Variants in HYAL4 observed in about 807,000 individuals in gnomAD.
HYAL4 encodes the protein hyaluronidase-4.
Under a neutral mutation model 35.2 loss-of-function variants are expected in HYAL4, and 37 were observed. The ratio of observed to expected loss-of-function variants is 1.05; its 90% confidence interval spans 0.81 to 1.38. HYAL4 has a LOEUF of 1.38. Ranked by LOEUF, HYAL4 falls within the 40% of genes most tolerant of loss-of-function variation. The probability of loss-of-function intolerance (pLI) is 0.00; values close to 1 mark genes in which losing one functional copy is unlikely to be tolerated. For missense variants in HYAL4, 572 were observed against 572.4 expected (o/e 1.00, Z 0.01); for synonymous variants, 198 against 203.2 (o/e 0.97, Z 0.22).
the HYAL4 span, among the ~76,000 whole-genome samples, chr7:123,779,428 C>A: frequency 3.3e-5 from 5 of 151,874 alleles, no homozygotes; most frequent in Non-Finnish European, 7.4e-5. Context: ...TAGGAAAGGC[C>A]TGATATTTTC....
the HYAL4 span, among the ~76,000 whole-genome samples, chr7:123,806,450 C>CT: frequency 1.2e-4 from 17 of 147,536 alleles, no homozygotes; most frequent in Admixed American, 2.7e-4. Context: ...TCTTGCTTTC[C>CT]TTTTTTTTTT....
At chr7:123,788,636 T>C in the HYAL4 span, among the ~76,000 whole-genome samples, 2 of 152,218 alleles carry the variant, frequency 1.3e-5, no homozygotes, top group Non-Finnish European at 2.9e-5. Context: ...ACACTGTTCA[T>C]GGAGGGTACA....
At chr7:123,870,460 A>G (rs1806847832) in intron 3 of HYAL4, among the ~76,000 whole-genome samples, 2 of 152,126 alleles carry the variant, frequency 1.3e-5, no homozygotes, top group Admixed American at 1.3e-4. Context: ...GTACCGTCTG[A>G]AAGGTTTTAA....
At chr7:123,811,386 A>G in the HYAL4 span, among the ~76,000 whole-genome samples, 1 of 152,218 alleles carries the variant, frequency 6.6e-6, no homozygotes, top group African/African-American at 2.4e-5. Context: ...TGGGCCATTC[A>G]TTAATAGGCA....
At chr7:123,864,809 A>C (rs1468012201) in intron 2 of HYAL4, among the ~76,000 whole-genome samples, 1 of 151,698 alleles carries the variant, frequency 6.6e-6, no homozygotes, top group Admixed American at 6.6e-5. Context: ...ATCTCCTCCC[A>C]ACAAGCCATA....
At chr7:123,823,134 A>G in the HYAL4 span, among the ~76,000 whole-genome samples, 12 of 152,032 alleles carry the variant, frequency 7.9e-5, no homozygotes, top group Non-Finnish European at 1.8e-4. Flanking sequence ...TTCTACACCT[A>G]TTGTTTTAAG....
chr7:123,819,496 T>C, the HYAL4 span: 1 of 152,550 alleles, frequency 6.6e-6, no homozygotes, highest in Non-Finnish European at 1.5e-5. Context: ...AACATTTTTT[T>C]TTTCGCATCA....
chr7:123,803,139 A>T, the HYAL4 span, among the ~76,000 whole-genome samples: 1 of 151,968 alleles, frequency 6.6e-6, no homozygotes. Flanking sequence ...GAGGCCACAG[A>T]CTCCATGGGC....
At chr7:123,794,533 T>C in the HYAL4 span, among the ~76,000 whole-genome samples, 1 of 152,208 alleles carries the variant, frequency 6.6e-6, no homozygotes, top group South Asian at 2.1e-4. Flanking sequence ...CATGGTACCC[T>C]GAGTCCCAGC....
At chr7:123,814,538 T>G in the HYAL4 span, 9 of 152,660 alleles carry the variant, frequency 5.9e-5, no homozygotes, top group African/African-American at 2.2e-4. Context: ...TGTTATTGAC[T>G]GGGAAAGTTG....
chr7:123,820,549 C>T, the HYAL4 span, among the ~76,000 whole-genome samples: 1 of 151,336 alleles, frequency 6.6e-6, no homozygotes, highest in Non-Finnish European at 1.5e-5. Flanking sequence ...TGCCATTGTG[C>T]CCCAGCTTGG....
the HYAL4 span, among the ~76,000 whole-genome samples, chr7:123,811,964 C>T: frequency 6.6e-6 from 1 of 152,004 alleles, no homozygotes; most frequent in East Asian, 1.9e-4. Flanking sequence ...GCCTCAGCCT[C>T]CTGAGTAGCT....
At position 123,877,295 on chromosome 7, in the gene HYAL4, C is replaced by T; in HGVS notation, c.*140C>T. 1 of 843,852 alleles carries T rather than the reference C, an allele frequency of 1.2e-6. No homozygotes were observed. Among genetic ancestry groups the T allele is most frequent in the Non-Finnish European group, 1.8e-6 (1 of 562,062 alleles). 52.3% of individuals were successfully genotyped at this position (843,852 alleles called of 1,614,324 possible). ...CATTATGTATGTCACTTAACATAAA[C>T]AGAAACATTATTTTATTTGCCTCCA... On this transcript the variant is annotated 3_prime_UTR_variant, in exon 5 of 5. Transcript: ENST00000223026.
chr7:123,806,752 C>T, the HYAL4 span, among the ~76,000 whole-genome samples: 7 of 151,974 alleles, frequency 4.6e-5, no homozygotes, highest in Non-Finnish European at 1.0e-4. Flanking sequence ...ACGCCCGGCC[C>T]TTGCTTTCCA....
At chr7:123,876,088 TGCACACAGGTGGCCTCTGTTTAG>T in intron 4 of HYAL4, 1 of 456,366 alleles carries the variant, frequency 2.2e-6, no homozygotes, top group South Asian at 1.6e-5. Flanking sequence ...GGAAGGTGGG[TGCACACAGGTGGCCTCTGTTTAG>T]AACACGTAAT....
At chr7:123,801,571 T>C in the HYAL4 span, among the ~76,000 whole-genome samples, 1 of 152,192 alleles carries the variant, frequency 6.6e-6, no homozygotes, top group Non-Finnish European at 1.5e-5. Flanking sequence ...CCTATTCTTA[T>C]TTCTAAGCAG....
At chr7:123,838,221 A>G (rs953235534) in intron 1 of HYAL4, among the ~76,000 whole-genome samples, 1 of 149,410 alleles carries the variant, frequency 6.7e-6, no homozygotes, top group Non-Finnish European at 1.5e-5. Flanking sequence ...TACCTCTACC[A>G]TAGAATTCTT....
At chr7:123,800,252 C>T in the HYAL4 span, among the ~76,000 whole-genome samples, 1 of 151,004 alleles carries the variant, frequency 6.6e-6, no homozygotes, top group Non-Finnish European at 1.5e-5. Context: ...TCACTGCAAG[C>T]TCCACCTCCC....
At chr7:123,835,249 ATCTC>A (rs578181514) in intron 1 of HYAL4, among the ~76,000 whole-genome samples, 1 of 151,764 alleles carries the variant, frequency 6.6e-6, no homozygotes, top group Non-Finnish European at 1.5e-5. Flanking sequence ...TACCATTTCA[ATCTC>A]TCTGTTTGTT....
Sources: gnomAD v4.1 joint callset for allele counts (sites outside exome capture counted in the v4.1 genomes callset) on GRCh38, gnomAD v4.1.1 for gene constraint, MANE v1.5 for transcripts, NCBI Gene and HGNC (gene_info 2026-07-23, HGNC 2026-07-21) for gene names.